The following ARID4B variants were observed in gnomAD, a reference collection of about 807,000 sequenced individuals.
The protein encoded by ARID4B is AT-rich interaction domain 4B.
In ARID4B, 26 loss-of-function variants were observed where a neutral mutation model predicts 147.5. The ratio of observed to expected loss-of-function variants is 0.18; its 90% CI spans 0.13 to 0.24. The LOEUF (loss-of-function observed/expected upper bound fraction) is 0.24. Among genes scored for constraint, ARID4B ranks in the 10% least tolerant of loss-of-function variants. ARID4B has a pLI of 1.00. For missense variants in ARID4B, 1,179 were observed against 1,511.5 expected (o/e 0.78, Z 3.65); for synonymous variants, 512 against 507.9 (o/e 1.01, Z -0.11).
At chr1:235,258,280 C>T (rs1469821365) in intron 3 of ARID4B, among the ~76,000 whole-genome samples, 2 of 152,024 alleles carry the variant, frequency 1.3e-5, no homozygotes, top group South Asian at 2.1e-4. Context: ...TGCAGTGAGC[C>T]GAGATTGCGT....
At chr1:235,308,854 G>A (rs1443144813) in intron 2 of ARID4B, among the ~76,000 whole-genome samples, 1 of 152,202 alleles carries the variant, frequency 6.6e-6, no homozygotes, top group African/African-American at 2.4e-5. Context: ...ACCTGCCTTG[G>A]CCTCCCAAAG....
intron 9 of ARID4B, among the ~76,000 whole-genome samples, chr1:235,233,203 T>C (rs1367724495): frequency 6.6e-6 from 1 of 152,058 alleles, no homozygotes; most frequent in Non-Finnish European, 1.5e-5. Flanking sequence ...ATCTCAGCAT[T>C]TTGGGAGGCC....
At chr1:235,253,689 G>A (rs1261482276) in intron 5 of ARID4B, among the ~76,000 whole-genome samples, 1 of 152,046 alleles carries the variant, frequency 6.6e-6, no homozygotes, top group East Asian at 1.9e-4. Flanking sequence ...AACAGATATG[G>A]AATGTATGAC....
intron 19 of ARID4B, among the ~76,000 whole-genome samples, chr1:235,193,028 G>A (rs1236562800): frequency 6.6e-6 from 1 of 151,944 alleles, no homozygotes; most frequent in East Asian, 1.9e-4. Flanking sequence ...GGGAGGTGGA[G>A]CTTGCAAGTG....
At chr1:235,180,966 A>G (rs1416811860) in intron 20 of ARID4B, 2 of 296,804 alleles carry the variant, frequency 6.7e-6, no homozygotes, top group Non-Finnish European at 1.0e-5. Context: ...TAACAATTTC[A>G]CGGAAAATCA....
chr1:235,209,891 A>G (rs1666600632), intron 17 of ARID4B, among the ~76,000 whole-genome samples: 1 of 152,130 alleles, frequency 6.6e-6, no homozygotes, highest in Non-Finnish European at 1.5e-5. Flanking sequence ...AAACAAAAAG[A>G]CAGACACTCT....
intron 11 of ARID4B, among the ~76,000 whole-genome samples, chr1:235,226,474 C>T (rs1159922193): frequency 6.7e-6 from 1 of 150,260 alleles, no homozygotes; most frequent in Non-Finnish European, 1.5e-5. Context: ...AATCCTGCTG[C>T]CTCAGCCTCC....
chr1:235,211,296 A>G (rs932602000), intron 17 of ARID4B, among the ~76,000 whole-genome samples: 1 of 152,102 alleles, frequency 6.6e-6, no homozygotes, highest in African/African-American at 2.4e-5. Context: ...CAGCCACTGC[A>G]CTCCAGGCTG....
At chr1:235,179,381 T>C (rs764183499) in intron 20 of ARID4B, among the ~76,000 whole-genome samples, 3 of 151,124 alleles carry the variant, frequency 2.0e-5, no homozygotes, top group Admixed American at 6.6e-5. Context: ...CTAAACAAAA[T>C]ACAAAAATTA....
At chr1:235,222,325 C>T (rs1343987077) in intron 13 of ARID4B, among the ~76,000 whole-genome samples, 4 of 152,078 alleles carry the variant, frequency 2.6e-5, no homozygotes, top group South Asian at 2.1e-4. Flanking sequence ...TTTATTATTT[C>T]GCATAAAATA....
rs1296250869 is a variant in ARID4B at position 235,234,400 on chromosome 1, A to C, written c.665+13T>G. The C allele has an allele frequency of 6.4e-7, 1 of 1,557,452 alleles. No individual in the cohort carries two copies. Among genetic ancestry groups the C allele is most frequent in the Admixed American group, 1.7e-5 (1 of 58,464 alleles). ...TATAAACTGGTTTTTCAAACCAAGT[A>C]AATTATACTTACAATTTTCCATCTT... is the stretch of plus-strand genomic sequence containing the variant. On this transcript the variant is annotated intron_variant, in intron 9 of 23. Transcript: ENST00000264183.
chr1:235,286,645 T>C (rs1277908512), intron 2 of ARID4B, among the ~76,000 whole-genome samples: 2 of 152,134 alleles, frequency 1.3e-5, no homozygotes, highest in Non-Finnish European at 2.9e-5. Context: ...ATGAGGAAAG[T>C]AGACAATATA....
At chr1:235,228,090 TCA>T (rs1264740646) in intron 11 of ARID4B, among the ~76,000 whole-genome samples, 5 of 151,858 alleles carry the variant, frequency 3.3e-5, no homozygotes. Flanking sequence ...CGCCTCGGCC[TCA>T]CAGAGTGCTA....
intron 16 of ARID4B, among the ~76,000 whole-genome samples, chr1:235,218,978 GCCTCAC>G (rs1667271300): frequency 6.7e-6 from 1 of 149,482 alleles, no homozygotes; most frequent in Non-Finnish European, 1.5e-5. Context: ...AGATTCTCCT[GCCTCAC>G]CCTCCTGAGT....
chr1:235,280,707 C>T (rs11811178), intron 2 of ARID4B, among the ~76,000 whole-genome samples: 6,222 of 152,266 alleles, frequency 0.041, 471 homozygotes, highest in African/African-American at 0.14. Flanking sequence ...ATCAGCCACG[C>T]GCAGAGCCCA....
intron 2 of ARID4B, among the ~76,000 whole-genome samples, chr1:235,283,797 G>A (rs1385497795): frequency 1.3e-5 from 2 of 152,192 alleles, no homozygotes; most frequent in Admixed American, 1.3e-4. Context: ...GTGCAATGGT[G>A]CAATCGCGGC....
intron 17 of ARID4B, among the ~76,000 whole-genome samples, chr1:235,199,021 C>A (rs149727667): frequency 0.01 from 1,565 of 152,198 alleles, 24 homozygotes; most frequent in African/African-American, 0.033. Context: ...ATCGCTTCAA[C>A]CCGGGAGGCG....
intron 2 of ARID4B, among the ~76,000 whole-genome samples, chr1:235,306,194 G>A (rs893369144): frequency 5.3e-5 from 8 of 152,094 alleles, no homozygotes; most frequent in African/African-American, 1.9e-4. Context: ...TAGCAATAAA[G>A]ACAAATTTAG....
intron 9 of ARID4B, among the ~76,000 whole-genome samples, chr1:235,231,811 T>C (rs936889148): frequency 6.6e-6 from 1 of 152,164 alleles, no homozygotes; most frequent in Non-Finnish European, 1.5e-5. Flanking sequence ...GGCAATATAA[T>C]GATAAAATGT....
Sources: allele counts gnomAD v4.1 joint callset (sites outside exome capture counted in the v4.1 genomes callset), GRCh38; gene constraint gnomAD v4.1.1; transcripts MANE v1.5; gene names NCBI Gene and HGNC (gene_info 2026-07-23, HGNC 2026-07-21).